TANC1: variants seen among roughly 807,000 people sequenced by gnomAD.
The protein encoded by TANC1 is protein TANC1.
In TANC1, 77 loss-of-function variants were observed where a neutral mutation model predicts 149.7. That is an observed-to-expected ratio of 0.51 (90% CI 0.43 to 0.62). TANC1 has a LOEUF of 0.62. Ranked by LOEUF, TANC1 falls within the 20% of genes least tolerant of loss-of-function variation. TANC1 has a pLI of 0.00. For synonymous variants in TANC1, 854 were observed against 925.0 expected (o/e 0.92, Z 1.39); for missense variants, 1,985 against 2,321.8 (o/e 0.85, Z 2.98).
chr2:159,221,991 TG>T (rs1198934757), intron 22 of TANC1, among the ~76,000 whole-genome samples: 2 of 152,218 alleles, frequency 1.3e-5, no homozygotes. Flanking sequence ...GAGAGACAGA[TG>T]CTTGCAAACC....
chr2:159,203,271 A>G (rs143025670), intron 19 of TANC1, among the ~76,000 whole-genome samples: 144 of 149,996 alleles, frequency 9.6e-4, no homozygotes, highest in East Asian at 6.7e-3. Context: ...CTGTGGTGCA[A>G]TCTTGGCTCA....
chr2:159,167,264 C>A (rs1303038284), intron 8 of TANC1, among the ~76,000 whole-genome samples: 2 of 152,152 alleles, frequency 1.3e-5, no homozygotes, highest in African/African-American at 4.8e-5. Flanking sequence ...CCCCTTCTAC[C>A]TGTGCCTTGG....
At chr2:159,012,705 C>T (rs1314706850) in intron 2 of TANC1, among the ~76,000 whole-genome samples, 1 of 152,144 alleles carries the variant, frequency 6.6e-6, no homozygotes, top group African/African-American at 2.4e-5. Context: ...AGAGGAATTA[C>T]AAAACTTGTC....
At chr2:159,160,647 C>A (rs987679455) in intron 7 of TANC1, among the ~76,000 whole-genome samples, 1 of 152,148 alleles carries the variant, frequency 6.6e-6, no homozygotes, top group Non-Finnish European at 1.5e-5. Flanking sequence ...GGGCTTCCAC[C>A]TGTGTAGGCT....
intron 2 of TANC1, among the ~76,000 whole-genome samples, chr2:159,041,310 CTT>C: frequency 6.6e-6 from 1 of 152,344 alleles, no homozygotes; most frequent in East Asian, 1.9e-4. Flanking sequence ...CCACTGCTCT[CTT>C]CAGAGCTGTC....
chr2:158,977,886 A>G (rs967467120), intron 1 of TANC1, among the ~76,000 whole-genome samples: 2 of 152,106 alleles, frequency 1.3e-5, no homozygotes, highest in East Asian at 1.9e-4. Flanking sequence ...CTTTGTTTCA[A>G]TTTTGCCTCT....
intron 2 of TANC1, among the ~76,000 whole-genome samples, chr2:159,035,197 C>T (rs1574253745): frequency 6.6e-6 from 1 of 152,202 alleles, no homozygotes; most frequent in South Asian, 2.1e-4. Context: ...TGTAATAATT[C>T]TCTATGAAGT....
chr2:159,185,995 C>T lies in TANC1; in HGVS notation c.2619+96C>T, dbSNP rs147504760. ...ACAGCTCTGTCAGCCATCCAAGAAA[C>T]GCTCCATGCACCTCAGCCCAAATGC... is the stretch of plus-strand genomic sequence containing the variant. On this transcript the variant is annotated intron_variant, in intron 15 of 26. Coordinates refer to ENST00000263635, the MANE Select transcript of TANC1 (RefSeq NM_033394.3). The T allele has an allele frequency of 5.9e-4, 534 of 901,334 alleles. 9 individuals are homozygous for T. The Middle Eastern group carries it at 0.013, about 23-fold the overall frequency. 55.8% of individuals were successfully genotyped at this position (901,334 alleles called of 1,614,324 possible).
intron 1 of TANC1, among the ~76,000 whole-genome samples, chr2:158,982,929 A>G (rs1441753990): frequency 2.0e-5 from 3 of 152,188 alleles, no homozygotes; most frequent in East Asian, 3.9e-4. Context: ...AGTCCTTACC[A>G]TATTTTATTC....
intron 7 of TANC1, chr2:159,150,775 G>C: frequency 4.3e-6 from 1 of 232,252 alleles, no homozygotes; most frequent in South Asian, 7.5e-5. Flanking sequence ...CAGCTCATTT[G>C]TTAAAAAAAA....
intron 3 of TANC1, among the ~76,000 whole-genome samples, chr2:159,092,791 T>G (rs190369152): frequency 6.6e-6 from 1 of 152,348 alleles, no homozygotes; most frequent in Admixed American, 6.5e-5. Context: ...TTTACTGTCA[T>G]ACCCTTTGTA....
intron 19 of TANC1, among the ~76,000 whole-genome samples, chr2:159,216,097 C>T (rs1418765876): frequency 6.6e-6 from 1 of 152,138 alleles, no homozygotes; most frequent in East Asian, 1.9e-4. Flanking sequence ...CCACCATGCA[C>T]CTTTCTGCTA....
Position 159,006,699 on chromosome 2 carries a change from G to A in TANC1, c.-16+5510G>A, listed in dbSNP as rs1007664846. 1.1e-4 allele frequency among the ~76,000 whole-genome samples: 17 copies of A among 152,164 alleles called. 1 individual carries two copies. Among genetic ancestry groups the A allele is most frequent in the Middle Eastern group, 3.2e-3 (1 of 316 alleles). On this transcript the variant is annotated intron_variant, in intron 2 of 26. Coordinates refer to ENST00000263635, the MANE Select transcript of TANC1 (RefSeq NM_033394.3). ...CTGGTTTAGAAAGGGTAATCTAGAA[G>A]AGGAGACCCACAGCATTTTTTGAAG...
In TANC1 at chr2:159,227,802, T is replaced by G; in HGVS notation, c.3904-17T>G. ...ACCTCTGAAAAAGGACAAATGTTTG[T>G]GATTTTTGAATCCTAGAAAGGGAAA... On this transcript the variant is annotated splice_polypyrimidine_tract_variant and intron_variant, in intron 24 of 26. Coordinates refer to ENST00000263635, the MANE Select transcript of TANC1 (RefSeq NM_033394.3). The G allele has an allele frequency of 6.2e-7, 1 of 1,612,994 alleles. No individual in the cohort carries two copies. The highest frequency in any genetic ancestry group is 8.5e-7 in the Non-Finnish European group (1 of 1,179,718).
At chr2:158,981,092 G>C (rs190526019) in intron 1 of TANC1, among the ~76,000 whole-genome samples, 2 of 151,988 alleles carry the variant, frequency 1.3e-5, no homozygotes, top group African/African-American at 4.8e-5. Flanking sequence ...GGCAAAAATA[G>C]GTCCTAGACT....
intron 4 of TANC1, among the ~76,000 whole-genome samples, chr2:159,123,136 A>T (rs2049028359): frequency 6.6e-6 from 1 of 152,170 alleles, no homozygotes; most frequent in African/African-American, 2.4e-5. Context: ...ATCTTGGCCC[A>T]TGAGTGCAGG....
chr2:158,969,328 A>G (rs955170571), intron 1 of TANC1, among the ~76,000 whole-genome samples: 2 of 152,186 alleles, frequency 1.3e-5, no homozygotes, highest in African/African-American at 4.8e-5. Context: ...AGCCGGAGGC[A>G]TGGTATTGCC....
intron 3 of TANC1, among the ~76,000 whole-genome samples, chr2:159,094,977 G>A (rs1423289083): frequency 1.3e-5 from 2 of 151,438 alleles, no homozygotes; most frequent in East Asian, 1.9e-4. Context: ...ATGGAGTCTC[G>A]CACTGTTGCC....
chr2:159,004,472 C>T lies in TANC1; in HGVS notation c.-16+3283C>T, dbSNP rs558097273. Among the ~76,000 whole-genome samples the T allele has an allele frequency of 3.9e-4, 59 of 151,822 alleles. No homozygotes were observed. In the East Asian group the frequency reaches 4.2e-3, roughly 11 times the overall value. On this transcript the variant is annotated intron_variant, in intron 2 of 26. Transcript: ENST00000263635. ...ATAATGCTGTTTGTTCAGCATTTTT[C>T]AGTCATTTGATTTTGCATTTTGCAC...
Sources: allele counts gnomAD v4.1 joint callset (sites outside exome capture counted in the v4.1 genomes callset), GRCh38; gene constraint gnomAD v4.1.1; transcripts MANE v1.5; gene names NCBI Gene and HGNC (gene_info 2026-07-23, HGNC 2026-07-21).